DNAH14: variants seen among roughly 807,000 people sequenced by gnomAD.
The protein encoded by DNAH14 is dynein axonemal heavy chain 14.
Under a neutral mutation model 520.9 loss-of-function variants are expected in DNAH14, and 478 were observed. The ratio of observed to expected loss-of-function variants is 0.92; its 90% CI spans 0.85 to 0.99. The LOEUF (loss-of-function observed/expected upper bound fraction) is 0.99, where lower values mean the gene tolerates loss of function less well. DNAH14 is among the 50% of genes least tolerant of loss of function. The pLI is 0.00. For synonymous variants in DNAH14, 1,581 were observed against 1,757.2 expected (o/e 0.90, Z 2.51); for missense variants, 4,831 against 5,234.5 (o/e 0.92, Z 2.38).
At chr1:225,321,797 T>C (rs1396114103) in intron 61 of DNAH14, among the ~76,000 whole-genome samples, 1 of 152,224 alleles carries the variant, frequency 6.6e-6, no homozygotes, top group Middle Eastern at 3.2e-3. Flanking sequence ...ACATTATTAA[T>C]GACTTGAAAG....
chr1:225,155,601 A>G (rs1244926137), intron 34 of DNAH14, among the ~76,000 whole-genome samples: 1 of 152,190 alleles, frequency 6.6e-6, no homozygotes, highest in Non-Finnish European at 1.5e-5. Flanking sequence ...CTAGTTCTTT[A>G]CGTAAGTATT....
At chr1:225,168,842 A>C (rs1399396414) in intron 36 of DNAH14, among the ~76,000 whole-genome samples, 4 of 152,212 alleles carry the variant, frequency 2.6e-5, no homozygotes, top group Admixed American at 6.5e-5. Flanking sequence ...GAGAACAGAC[A>C]GACTGCCTCC....
intron 41 of DNAH14, among the ~76,000 whole-genome samples, chr1:225,225,717 G>A (rs535237216): frequency 4.0e-4 from 61 of 152,182 alleles, no homozygotes; most frequent in African/African-American, 1.4e-3. Context: ...TAAAACTTGT[G>A]GTTTTATGGA....
At chr1:225,331,633 C>A in intron 65 of DNAH14, 56 bp downstream of exon 65, 7 of 1,545,906 alleles carry the variant, frequency 4.5e-6, no homozygotes, top group Non-Finnish European at 5.2e-6. Flanking sequence ...GCCCAACAAC[C>A]CCCAAGATGT....
chr1:225,062,325 A>G (rs1220370491), intron 17 of DNAH14, among the ~76,000 whole-genome samples: 1 of 152,116 alleles, frequency 6.6e-6, no homozygotes, highest in Non-Finnish European at 1.5e-5. Flanking sequence ...AGAGAAAGAA[A>G]GAGAAATAAA....
intron 43 of DNAH14, among the ~76,000 whole-genome samples, chr1:225,250,371 G>A (rs539419542): frequency 1.8e-4 from 28 of 152,338 alleles, no homozygotes; most frequent in African/African-American, 6.7e-4. Context: ...AATTAAACCA[G>A]GGATTAGCAT....
chr1:225,001,233 G>A lies in DNAH14; in HGVS notation c.831-1550G>A, dbSNP rs186939407. 1.2e-3 allele frequency among the ~76,000 whole-genome samples: 177 copies of A among 151,976 alleles called. 1 individual carries two copies. Among genetic ancestry groups the A allele is most frequent in the Non-Finnish European group, 1.4e-3 (94 of 67,944 alleles). On this transcript the variant is annotated intron_variant, in intron 8 of 85. Coordinates refer to ENST00000682510, the MANE Select transcript of DNAH14 (RefSeq NM_001367479.1). ...CCACCATGTCATTTCTAGCCACCTT[G>A]CTTTTTCTTCCCCACCCTTCAATGT...
chr1:225,274,271 C>T (rs902517547), intron 52 of DNAH14, among the ~76,000 whole-genome samples: 7 of 132,894 alleles, frequency 5.3e-5, no homozygotes, highest in Non-Finnish European at 3.1e-5. Flanking sequence ...GTGGCGCGAT[C>T]TCTGCTCACT....
intron 42 of DNAH14, among the ~76,000 whole-genome samples, chr1:225,235,924 T>C (rs2199834): frequency 0.24 from 36,457 of 152,112 alleles, 5,343 homozygotes; most frequent in Non-Finnish European, 0.32. Flanking sequence ...TTGATTCTTA[T>C]GTTTTCTTTT....
Position 225,252,396 on chromosome 1 carries a change from G to A in DNAH14, c.6844G>A (p.Asp2282Asn), listed in dbSNP as rs1313116202. Residue 2282 changes from aspartate (D) to asparagine (N), a missense_variant, in exon 44 of 86, where the codon GAT (aspartate) becomes AAT (asparagine). Physicochemically the swap from Asp to Asn is conservative, Grantham distance 23. Transcript: ENST00000682510. ...FIPWSDLVPN[D>N]QTLIQRGTSL... ...ACCTTGGTCAGATTTAGTTCCTAATGATCAGACACTAATTCAAAGAGGTAA... is the reference window on the plus strand; with the variant it reads ...ACCTTGGTCAGATTTAGTTCCTAATAATCAGACACTAATTCAAAGAGGTAA... 68 of 1,524,130 alleles carry A rather than the reference G, an allele frequency of 4.5e-5. No homozygotes were observed. The highest frequency in any genetic ancestry group is 6.0e-5 in the Non-Finnish European group (67 of 1,123,462). 94.4% of individuals were successfully genotyped at this position (1,524,130 alleles called of 1,614,324 possible). A position where few individuals can be genotyped will look rare whatever the true frequency, so the allele number is the denominator to read the frequency against.
chr1:225,043,276 GAAAAAAA>G (rs10671374), intron 13 of DNAH14, among the ~76,000 whole-genome samples, 162 bp downstream of exon 13: 5 of 98,162 alleles, frequency 5.1e-5, no homozygotes, highest in Non-Finnish European at 9.5e-5. Context: ...GTCTCTTGGG[GAAAAAAA>G]AAAAAAAAAA....
At position 225,358,591 on chromosome 1, in the gene DNAH14, T is replaced by C. The variant is rs1234616158; in HGVS notation, c.11715T>C (p.Asn3905=). ...GNKYLQRTGV[N]LKDAYKGSNA... ...AGTATCTTCAAAGAACTGGAGTTAA[T>C]TTGAAAGATGCATATAAAGGATCCA... The change falls in exon 74 of 86, where the codon AAT becomes AAC. Residue 3905 remains asparagine, a synonymous_variant. Coordinates refer to ENST00000682510, the MANE Select transcript of DNAH14 (RefSeq NM_001367479.1). 6.5e-7 allele frequency: 1 copy of C among 1,549,490 alleles called. No homozygotes were observed. Among genetic ancestry groups the C allele is most frequent in the South Asian group, 1.2e-5 (1 of 83,370 alleles).
intron 41 of DNAH14, among the ~76,000 whole-genome samples, chr1:225,224,784 G>A (rs979326114): frequency 1.3e-5 from 2 of 152,178 alleles, no homozygotes; most frequent in African/African-American, 4.8e-5. Context: ...CACTCAGAGA[G>A]CCGAGGTTGG....
At chr1:225,181,089 C>T (rs546995710) in intron 36 of DNAH14, among the ~76,000 whole-genome samples, 19 of 152,186 alleles carry the variant, frequency 1.2e-4, no homozygotes, top group South Asian at 1.0e-3. Context: ...TTTGATTTTC[C>T]GTTTCAGTGC....
Position 224,968,799 on chromosome 1 carries a change from T to C in DNAH14, c.692T>C (p.Ile231Thr), listed in dbSNP as rs1017045217. Residue 231 changes from isoleucine to threonine, a missense_variant, in exon 7 of 86, where the codon ATA becomes ACA. Coordinates refer to ENST00000682510, the MANE Select transcript of DNAH14 (RefSeq NM_001367479.1). ...IVGSVKEVEL[I>T]PTLEWLSERR... ...GGTAGTGTAAAGGAAGTAGAACTCATACCTACTTTGGAATGGCTATCAGAA... is the reference window on the plus strand; with the variant it reads ...GGTAGTGTAAAGGAAGTAGAACTCACACCTACTTTGGAATGGCTATCAGAA... 13 of 1,538,768 alleles carry C rather than the reference T, an allele frequency of 8.4e-6. 1 individual carries two copies. Among genetic ancestry groups the C allele is most frequent in the Middle Eastern group, 1.7e-4 (1 of 5,954 alleles).
At chr1:225,180,471 A>T (rs1374550919) in intron 36 of DNAH14, among the ~76,000 whole-genome samples, 1 of 152,202 alleles carries the variant, frequency 6.6e-6, no homozygotes, top group Non-Finnish European at 1.5e-5. Context: ...GGCTGCTTCC[A>T]CACATGGCAG....
chr1:225,304,084 A>C (rs1410442374), intron 57 of DNAH14, among the ~76,000 whole-genome samples: 2 of 152,192 alleles, frequency 1.3e-5, no homozygotes, highest in Non-Finnish European at 2.9e-5. Context: ...ATGAATCATC[A>C]GGACTAGGTT....
intron 36 of DNAH14, among the ~76,000 whole-genome samples, chr1:225,171,098 T>C (rs1454201012): frequency 1.3e-5 from 2 of 151,798 alleles, no homozygotes; most frequent in African/African-American, 4.8e-5. Context: ...CATACCAGAG[T>C]CTCTGGGACA....
intron 1 of DNAH14, among the ~76,000 whole-genome samples, chr1:224,945,278 A>T (rs1227600380): frequency 6.6e-6 from 1 of 151,986 alleles, no homozygotes; most frequent in East Asian, 1.9e-4. Flanking sequence ...CTTCCAGTTG[A>T]TCGAATCGGC....
Sources: allele counts gnomAD v4.1 joint callset (sites outside exome capture counted in the v4.1 genomes callset), GRCh38; gene constraint gnomAD v4.1.1; transcripts MANE v1.5; gene names NCBI Gene and HGNC (gene_info 2026-07-23, HGNC 2026-07-21).